Variants in LILRB1 observed in about 807,000 individuals in gnomAD.
LILRB1 encodes leukocyte immunoglobulin-like receptor subfamily B member 1.
A neutral mutation model predicts 74.6 loss-of-function variants in LILRB1; 59 were observed. The ratio of observed to expected loss-of-function variants is 0.79; its 90% CI spans 0.64 to 0.98. The LOEUF (loss-of-function observed/expected upper bound fraction) is 0.98, where lower values mean the gene tolerates loss of function less well. LILRB1 is among the 50% of genes least tolerant of loss of function. The pLI is 0.00. For synonymous variants in LILRB1, 328 were observed against 333.9 expected, an observed-to-expected ratio of 0.98 and a Z score of 0.19; for missense variants, 804 against 822.6, an observed-to-expected ratio of 0.98 and a Z score of 0.28.
At chr19:54,633,780 C>A in intron 8 of LILRB1, 92 bp downstream of exon 8, 1 of 1,492,794 alleles carries the variant, frequency 6.7e-7, no homozygotes, top group East Asian at 2.4e-5. Context: ...CTCAAAGACT[C>A]GAGCTTCCCT....
intron 1 of LILRB1, among the ~76,000 whole-genome samples, chr19:54,617,586 TGTG>T (rs1568559719): frequency 1.8e-4 from 26 of 141,120 alleles, no homozygotes; most frequent in Admixed American, 6.2e-4. Flanking sequence ...TGTGTGTGTG[TGTG>T]GTGTGTGTGT....
rs374617117 is a variant in LILRB1, at chr19:54,633,061, C to T, written c.1004C>T (p.Thr335Met). ...RVSLSVQPGP[T>M]VASGENVTLL... ...TCCCTCTCGGTGCAGCCGGGCCCCA[C>T]GGTGGCCTCAGGAGAGAACGTGACC... The change falls in exon 7 of 15, where the codon ACG becomes ATG. Residue 335 changes from threonine to methionine, a missense_variant. Transcript: ENST00000324602. 26 of 1,614,060 alleles carry T rather than the reference C, an allele frequency of 1.6e-5. No individual in the cohort carries two copies. The highest frequency in any genetic ancestry group is 5.5e-5 in the South Asian group (5 of 91,094).
chr19:54,616,636 G>A (rs1385986705), upstream of LILRB1, among the ~76,000 whole-genome samples: 1 of 152,074 alleles, frequency 6.6e-6, no homozygotes, highest in Non-Finnish European at 1.5e-5. Context: ...TTCTTTCTAG[G>A]AAGTTGTTGT....
chr19:54,618,016 A>G (rs4806791), intron 1 of LILRB1, among the ~76,000 whole-genome samples: 89,500 of 150,116 alleles, frequency 0.6, 27,488 homozygotes, highest in South Asian at 0.69. Flanking sequence ...CAGGAGAATC[A>G]CTTCAGCATG....
At chr19:54,635,011 GT>G (rs67481620) in intron 10 of LILRB1, 92 bp from the exon 11 acceptor site, 195,000 of 1,362,542 alleles carry the variant, frequency 0.14, 15,326 homozygotes, top group African/African-American at 0.19. Flanking sequence ...AGGCAGGAGT[GT>G]TTTTAGGTTT....
Position 54,633,239 on chromosome 19 carries a change from C to CTA in LILRB1, c.1183_1184dup (p.Arg396ThrfsTer14), listed in dbSNP as rs1568595632. 6.2e-7 allele frequency: 1 copy of CTA among 1,614,156 alleles called. No individual in the cohort carries two copies. The highest frequency in any genetic ancestry group is 8.5e-7 in the Non-Finnish European group (1 of 1,180,026). On this transcript the variant is annotated frameshift_variant, in exon 7 of 15. Coordinates refer to ENST00000324602, the MANE Select transcript of LILRB1 (RefSeq NM_001081637.3). LOFTEE classifies it high-confidence loss of function. ...CTGTGACCTCAGCCCATGCGGGGAC[C>CTA]TACAGGTGCTACGGCTCACAGAGCT... is the stretch of plus-strand genomic sequence containing the variant.
At chr19:54,622,264 G>C (rs1293664943) in intron 1 of LILRB1, among the ~76,000 whole-genome samples, 1 of 152,138 alleles carries the variant, frequency 6.6e-6, no homozygotes, top group African/African-American at 2.4e-5. Flanking sequence ...TGTTGAATCT[G>C]TAGTATGCTT....
At chr19:54,624,479 G>A (rs1230052747) in intron 1 of LILRB1, among the ~76,000 whole-genome samples, 7 of 152,192 alleles carry the variant, frequency 4.6e-5, no homozygotes, top group South Asian at 2.1e-4. Context: ...GACCCTGAGC[G>A]GCTGTCTGTT....
At chr19:54,629,559 A>G (rs188449898), upstream of LILRB1, among the ~76,000 whole-genome samples, 5 of 152,290 alleles carry the variant, frequency 3.3e-5, no homozygotes, top group African/African-American at 1.2e-4. Flanking sequence ...TTGGAATCCC[A>G]GCAGCTCTGT....
chr19:54,627,988 G>A (rs1251282852), upstream of LILRB1, among the ~76,000 whole-genome samples: 8 of 152,148 alleles, frequency 5.3e-5, no homozygotes, highest in Non-Finnish European at 1.2e-4. Flanking sequence ...GTTTTGCTTC[G>A]AGAGTACACA....
chr19:54,635,734 A>G, intron 13 of LILRB1, 125 bp downstream of exon 13: 1 of 1,162,936 alleles, frequency 8.6e-7, no homozygotes, highest in Non-Finnish European at 1.3e-6. Flanking sequence ...CTTGTCCAGC[A>G]CGCTGCCTCC....
At chr19:54,624,744 G>A (rs2063535900) in intron 1 of LILRB1, among the ~76,000 whole-genome samples, 1 of 152,160 alleles carries the variant, frequency 6.6e-6, no homozygotes, top group African/African-American at 2.4e-5. Flanking sequence ...GGGTTCAGAT[G>A]CTGGCTGTGA....
chr19:54,635,183 A>T lies in LILRB1; in HGVS notation c.1562+4A>T. 6.3e-7 allele frequency: 1 copy of T among 1,597,750 alleles called. No homozygotes were observed. The highest frequency in any genetic ancestry group is 1.3e-5 in the African/African-American group (1 of 74,602). On this transcript the variant is annotated splice_donor_region_variant and intron_variant, in intron 11 of 14. Coordinates refer to ENST00000324602, the MANE Select transcript of LILRB1 (RefSeq NM_001081637.3). ...CAGACAGAGGCCTGCAGTGGAGGTAATTCTGCCCGAAGACCCCAGACTCCC... is the reference window on the plus strand; with the variant it reads ...CAGACAGAGGCCTGCAGTGGAGGTATTTCTGCCCGAAGACCCCAGACTCCC...
rs41308134 is a variant in LILRB1 at position 54,632,136 on chromosome 19, T to G, written c.560T>G (p.Val187Gly). The G allele has an allele frequency of 9.9e-6, 16 of 1,614,116 alleles. No individual in the cohort carries two copies. Among genetic ancestry groups the G allele is most frequent in the Admixed American group, 1.7e-5 (1 of 60,014 alleles). ...CGCGCCATCTTCTCCGTGGGCCCCG[T>G]GAGCCCGAGTCGCAGGTGGTGGTAC... ...SSRAIFSVGP[V>G]SPSRRWWYRC... Residue 187 changes from valine to glycine, a missense_variant, in exon 5 of 15, where the codon GTG becomes GGG. Physicochemically the swap from Val to Gly is moderately radical, Grantham distance 109. Transcript: ENST00000324602.
At position 54,632,273 on chromosome 19, in the gene LILRB1, G is replaced by T; in HGVS notation, c.661+36G>T. Reference sequence around the variant, plus strand: ...CACAGCATTGCCTGGAGTTCCCTGAGTCTCCAGGCAGGTGGGGAGCAGCCG... The same window carrying T: ...CACAGCATTGCCTGGAGTTCCCTGATTCTCCAGGCAGGTGGGGAGCAGCCG... On this transcript the variant is annotated intron_variant, in intron 5 of 14. Coordinates refer to ENST00000324602, the MANE Select transcript of LILRB1 (RefSeq NM_001081637.3). 1.9e-6 allele frequency: 3 copies of T among 1,596,670 alleles called. No homozygotes were observed. The East Asian group carries it at 6.7e-5, about 36-fold the overall frequency.
chr19:54,634,898 C>A, intron 10 of LILRB1, 135 bp downstream of exon 10: 2 of 1,502,228 alleles, frequency 1.3e-6, no homozygotes, highest in Non-Finnish European at 9.0e-7. Context: ...AATCGACAGT[C>A]AGTCCCATCT....
rs371895769 is a variant in LILRB1 at position 54,636,829 on chromosome 19, G to A, written c.1910G>A (p.Gly637Glu). 1 of 1,613,388 alleles carries A rather than the reference G, an allele frequency of 6.2e-7. No homozygotes were observed. The highest frequency in any genetic ancestry group is 8.5e-7 in the Non-Finnish European group (1 of 1,179,586). The change falls in exon 15 of 15, where the codon GGG (glycine) becomes GAG (glutamate). Residue 637 changes from glycine (G) to glutamate (E), a missense_variant. Physicochemically the swap from Gly to Glu is moderately conservative, Grantham distance 98. Transcript: ENST00000324602. ...EATEPPPSQE[G>E]PSPAVPSIYA... ...ACTGAGCCTCCTCCATCCCAGGAAGGGCCCTCTCCAGCTGTGCCCAGCATC... is the reference window on the plus strand; with the variant it reads ...ACTGAGCCTCCTCCATCCCAGGAAGAGCCCTCTCCAGCTGTGCCCAGCATC...
Position 54,632,738 on chromosome 19 carries a change from C to T in LILRB1, c.936C>T (p.Asp312=). The T allele has an allele frequency of 1.2e-6, 2 of 1,612,090 alleles. No homozygotes were observed. The highest frequency in any genetic ancestry group is 8.5e-7 in the Non-Finnish European group (1 of 1,179,872). Residue 312 remains aspartate, a synonymous_variant, in exon 6 of 15, where the codon GAC becomes GAT. Transcript: ENST00000324602. The part of the protein sequence containing the change: ...NLSSEWSAPS[D]PLDILIAGQF... ...CCTCCGAGTGGTCGGCCCCCAGCGA[C>T]CCCCTGGACATCCTGATCGCAGGTG...
chr19:54,634,084 C>G, intron 9 of LILRB1, 63 bp downstream of exon 9: 1 of 1,554,882 alleles, frequency 6.4e-7, no homozygotes, highest in Non-Finnish European at 8.7e-7. Flanking sequence ...TGGGTTCTGT[C>G]CTAGGTTCAG....
Sources: allele counts gnomAD v4.1 joint callset (sites outside exome capture counted in the v4.1 genomes callset), GRCh38; gene constraint gnomAD v4.1.1; transcripts MANE v1.5; gene names NCBI Gene and HGNC (gene_info 2026-07-23, HGNC 2026-07-21).